APBB1: variants seen among roughly 807,000 people sequenced by gnomAD.
APBB1 encodes adaptor protein FE65a2.
A neutral mutation model predicts 78.4 loss-of-function variants in APBB1; 22 were observed. The observed-to-expected ratio is 0.28, with a 90% CI of 0.20 to 0.40. The LOEUF (loss-of-function observed/expected upper bound fraction) is 0.40. APBB1 is among the 10% of genes least tolerant of loss of function. The pLI, the probability that APBB1 is intolerant of heterozygous loss-of-function variation, is 1.00. For missense variants in APBB1, 749 were observed against 932.4 expected, an observed-to-expected ratio of 0.80 and a Z score of 2.56; for synonymous variants, 369 against 372.7, an observed-to-expected ratio of 0.99 and a Z score of 0.12.
At position 6,403,955 on chromosome 11, in the gene APBB1, T is replaced by C. The variant is rs1177796329; in HGVS notation, c.722-133A>G. The C allele has an allele frequency of 1.0e-6, 1 of 992,070 alleles. No homozygotes were observed. The highest frequency in any genetic ancestry group is 2.7e-5 in the East Asian group (1 of 37,262). 61.5% of individuals were successfully genotyped at this position (992,070 alleles called of 1,614,324 possible). On this transcript the variant is annotated intron_variant, in intron 2 of 14. Coordinates refer to ENST00000609360, the MANE Select transcript of APBB1 (RefSeq NM_001164.5). This position sits in a 1 kb window ranked among gnomAD's most constrained non-coding sequence, Gnocchi z 5.3. The stretch of plus-strand genomic sequence containing the variant: ...AGCTATACCACAACACAGTTCCTGC[T>C]TCTGCCTAGAGCCTATAGTCTGGAG...
intron 12 of APBB1, among the ~76,000 whole-genome samples, chr11:6,400,287 TC>T (rs1848435402): frequency 6.6e-6 from 1 of 152,198 alleles, no homozygotes. Context: ...ACGCCTGTAA[TC>T]CCGGCACTCT....
At chr11:6,415,089 C>G (rs1234402027) in intron 1 of APBB1, among the ~76,000 whole-genome samples, 1 of 152,116 alleles carries the variant, frequency 6.6e-6, no homozygotes, top group African/African-American at 2.4e-5. Context: ...CACCAACACC[C>G]CACTGCTCGA....
chr11:6,413,298 G>A (rs1452929628), intron 1 of APBB1, among the ~76,000 whole-genome samples: 1 of 152,020 alleles, frequency 6.6e-6, no homozygotes, highest in Non-Finnish European at 1.5e-5. Context: ...CTCCCTCACT[G>A]ACCATCCCAA....
chr11:6,400,541 TAAA>T (rs5789463), intron 12 of APBB1, among the ~76,000 whole-genome samples: 1 of 142,024 alleles, frequency 7.0e-6, no homozygotes. Context: ...GACTTGTCTT[TAAA>T]AAAAAAAAAA....
At position 6,401,549 on chromosome 11, in the gene APBB1, G is replaced by C; in HGVS notation, c.1503+25C>G. The C allele has an allele frequency of 6.2e-7, 1 of 1,614,188 alleles. No individual in the cohort carries two copies. Among genetic ancestry groups the C allele is most frequent in the Non-Finnish European group, 8.5e-7 (1 of 1,180,030 alleles). ...CCTTGTAGAGCAAAGGTGGCAACTA[G>C]TCCAGGGAGTGGAGGGGGCCGTGCC... is the stretch of plus-strand genomic sequence containing the variant. On this transcript the variant is annotated intron_variant, in intron 10 of 14. Coordinates refer to ENST00000609360, the MANE Select transcript of APBB1 (RefSeq NM_001164.5). The surrounding 1 kb of genome is among the most constrained non-coding windows in gnomAD (Gnocchi z 4.5).
chr11:6,418,028 A>G (rs1036622277), intron 1 of APBB1, among the ~76,000 whole-genome samples: 1 of 152,228 alleles, frequency 6.6e-6, no homozygotes, highest in Admixed American at 6.5e-5. Flanking sequence ...ATATATATGA[A>G]ATTTGAAGCT....
chr11:6,396,373 T>A, intron 12 of APBB1, 158 bp from the exon 13 acceptor site: 1 of 607,844 alleles, frequency 1.6e-6, no homozygotes, highest in Non-Finnish European at 2.8e-6. Context: ...ATCCCTTCCC[T>A]GGGGCTCTCC....
chr11:6,400,529 G>A (rs983226488), intron 12 of APBB1, among the ~76,000 whole-genome samples: 3 of 138,192 alleles, frequency 2.2e-5, no homozygotes, highest in Non-Finnish European at 4.6e-5. Flanking sequence ...CGGACAGAGC[G>A]AGACTTGTCT....
Position 6,401,985 on chromosome 11 carries a change from G to A in APBB1, c.1383-3C>T, listed in dbSNP as rs767612852. 1.9e-5 allele frequency: 30 copies of A among 1,571,760 alleles called. No homozygotes were observed. The highest frequency in any genetic ancestry group is 2.2e-5 in the Non-Finnish European group (26 of 1,157,688). Reference sequence around the variant, plus strand: ...GAAAATAGGCATAGTACCTCTCTCTGGGTCCAGCAGCACAAGAGAGGCAAA... The same window carrying A: ...GAAAATAGGCATAGTACCTCTCTCTAGGTCCAGCAGCACAAGAGAGGCAAA... On this transcript the variant is annotated splice_region_variant and splice_polypyrimidine_tract_variant and intron_variant, in intron 8 of 14. Transcript: ENST00000609360. The surrounding 1 kb of genome is among the most constrained non-coding windows in gnomAD (Gnocchi z 4.5).
At chr11:6,400,928 G>A (rs1249018060) in intron 12 of APBB1, 61 bp downstream of exon 12, 6 of 1,486,084 alleles carry the variant, frequency 4.0e-6, no homozygotes, top group East Asian at 4.5e-5. Context: ...GGAAGGCAGA[G>A]GGTAGGGGCA....
rs942383122 is a variant in APBB1, at chr11:6,409,792, G to A, written c.721+835C>T. On this transcript the variant is annotated intron_variant, in intron 2 of 14. Transcript: ENST00000609360. ...TTCCTGTATTCGCTACACGACATTA[G>A]AAAATGTGGAGACTCAGCTTAATTT... is the stretch of plus-strand genomic sequence containing the variant. Among the ~76,000 whole-genome samples the A allele has an allele frequency of 5.5e-4, 80 of 146,460 alleles. 3 individuals carry two copies. Among genetic ancestry groups the A allele is most frequent in the African/African-American group, 2.1e-3 (76 of 35,964 alleles).
At position 6,402,577 on chromosome 11, in the gene APBB1, T is replaced by A; in HGVS notation, c.1253A>T (p.Glu418Val). ...LHDPMSGGWG[E>V]GKDLLLQLED... ...CCTACCCCCGGCTCAGGTCCTTACTTCCCCCCAGCCCCCAGACATGGGGTC... is the reference window on the plus strand; with the variant it reads ...CCTACCCCCGGCTCAGGTCCTTACTACCCCCCAGCCCCCAGACATGGGGTC... Residue 418 changes from glutamate to valine, a missense_variant and splice_region_variant, in exon 7 of 15, where the codon GAA (glutamate) becomes GTA (valine). This residue lies in a region of APBB1 where 635 missense variants were observed against 765.0 expected (regional missense o/e 0.83). Coordinates refer to ENST00000609360, the MANE Select transcript of APBB1 (RefSeq NM_001164.5). 1 of 1,613,680 alleles carries A rather than the reference T, an allele frequency of 6.2e-7. No individual in the cohort carries two copies. The highest frequency in any genetic ancestry group is 1.3e-5 in the African/African-American group (1 of 74,860).
chr11:6,405,372 C>A, intron 2 of APBB1: 6 of 986,808 alleles, frequency 6.1e-6, no homozygotes, highest in Non-Finnish European at 6.0e-6. Flanking sequence ...CCCAGCACCA[C>A]CCCCCACCCC....
Position 6,409,808 on chromosome 11 carries a change from A to T in APBB1, c.721+819T>A, listed in dbSNP as rs1469288153. On this transcript the variant is annotated intron_variant, in intron 2 of 14. Coordinates refer to ENST00000609360, the MANE Select transcript of APBB1 (RefSeq NM_001164.5). ...ACGACATTAGAAAATGTGGAGACTC[A>T]GCTTAATTTAAATGGACATATTTAA... Among the ~76,000 whole-genome samples, 5 of 146,364 alleles carry T rather than the reference A, an allele frequency of 3.4e-5. No homozygotes were observed. In the East Asian group the frequency reaches 9.6e-4, roughly 28 times the overall value.
chr11:6,408,764 A>G (rs1047547122), intron 2 of APBB1, among the ~76,000 whole-genome samples: 2 of 152,148 alleles, frequency 1.3e-5, no homozygotes, highest in Non-Finnish European at 2.9e-5. Flanking sequence ...TCGGCCTCCC[A>G]AAGTGCTGGG....
chr11:6,404,965 G>A, intron 2 of APBB1: 1 of 1,437,438 alleles, frequency 7.0e-7, no homozygotes, highest in Non-Finnish European at 9.1e-7. Flanking sequence ...CTTGGAGCTT[G>A]CTAGGGAGGG....
In APBB1 at chr11:6,411,261, G is replaced by A. The variant is rs754311215; in HGVS notation, c.87C>T (p.His29=). The A allele has an allele frequency of 1.4e-5, 23 of 1,605,234 alleles. No homozygotes were observed. The highest frequency in any genetic ancestry group is 3.3e-5 in the South Asian group (3 of 90,312). ...CGTTGAGCAGCTGGTTGTGGGCAGCGTGCAGAGGCAGGGGTAGGCTCAGTG... is the reference window on the plus strand; with the variant it reads ...CGTTGAGCAGCTGGTTGTGGGCAGCATGCAGAGGCAGGGGTAGGCTCAGTG... ...GPALSLPLPL[H]AAHNQLLNAK... is the part of the protein sequence containing the mutation. The change falls in exon 2 of 15, where the codon CAC becomes CAT. Residue 29 remains histidine, a synonymous_variant. Coordinates refer to ENST00000609360, the MANE Select transcript of APBB1 (RefSeq NM_001164.5). This position sits in a 1 kb window ranked among gnomAD's most constrained non-coding sequence, Gnocchi z 5.2.
chr11:6,413,254 T>C (rs1217772104), intron 1 of APBB1, among the ~76,000 whole-genome samples: 1 of 152,166 alleles, frequency 6.6e-6, no homozygotes, highest in African/African-American at 2.4e-5. Flanking sequence ...ACTGATTCTC[T>C]TGCCCTACCC....
Position 6,402,168 on chromosome 11 carries a change from C to A in APBB1, c.1296G>T (p.Lys432Asn). 2.5e-6 allele frequency: 4 copies of A among 1,614,092 alleles called. No homozygotes were observed. Among genetic ancestry groups the A allele is most frequent in the Middle Eastern group, 1.7e-4 (1 of 6,058 alleles). Residue 432 changes from lysine (K) to asparagine (N), a missense_variant, in exon 8 of 15, where the codon AAG becomes AAT. This residue lies in a region of APBB1 where 635 missense variants were observed against 765.0 expected (regional missense o/e 0.83). Coordinates refer to ENST00000609360, the MANE Select transcript of APBB1 (RefSeq NM_001164.5). ...GTGCCTGGCTCTGTGGCTCCACTAG[C>A]TTTAGTGTCTCATCCTCCAGCTGCA... ...LLLQLEDETL[K>N]LVEPQSQALL...
Sources: gnomAD v4.1 joint callset for allele counts (sites outside exome capture counted in the v4.1 genomes callset) on GRCh38, gnomAD v4.1.1 for gene constraint, gnomAD v4.1.1 regional missense constraint, Gnocchi (gnomAD v3.1) non-coding constraint, MANE v1.5 for transcripts, NCBI Gene and HGNC (gene_info 2026-07-23, HGNC 2026-07-21) for gene names.